Variants in MGAT4C observed in about 807,000 individuals in gnomAD.
The protein encoded by MGAT4C is MGAT4 family member C.
MGAT4C carries 19 observed loss-of-function variants against 40.1 expected under a neutral mutation model. That is an observed-to-expected ratio of 0.47 (90% CI 0.33 to 0.70). The LOEUF (loss-of-function observed/expected upper bound fraction) is 0.70, where lower values mean the gene tolerates loss of function less well. Ranked by LOEUF, MGAT4C falls within the 30% of genes least tolerant of loss-of-function variation. The pLI is 0.02. For synonymous variants in MGAT4C, 181 were observed against 187.1 expected, an observed-to-expected ratio of 0.97 and a Z score of 0.27; for missense variants, 491 against 563.2, an observed-to-expected ratio of 0.87 and a Z score of 1.30.
intron 2 of MGAT4C, among the ~76,000 whole-genome samples, chr12:86,478,294 C>T (rs1957876209): frequency 6.6e-6 from 1 of 152,122 alleles, no homozygotes; most frequent in Admixed American, 6.6e-5. Context: ...TAAAAGATGT[C>T]ATGTGAAGAC....
chr12:86,340,507 A>G (rs1269114910), intron 3 of MGAT4C, among the ~76,000 whole-genome samples: 2 of 152,160 alleles, frequency 1.3e-5, no homozygotes, highest in African/African-American at 4.8e-5. Context: ...GAAGGAAACC[A>G]TAAAGATTCT....
At chr12:86,054,634 A>G (rs1031877071) in intron 1 of MGAT4C, among the ~76,000 whole-genome samples, 2 of 152,010 alleles carry the variant, frequency 1.3e-5, no homozygotes, top group African/African-American at 4.8e-5. Context: ...TCCACAATGT[A>G]TATATATTTT....
intron 4 of MGAT4C, among the ~76,000 whole-genome samples, chr12:86,282,801 G>A (rs983225599): frequency 6.6e-6 from 1 of 151,914 alleles, no homozygotes; most frequent in Admixed American, 6.6e-5. Context: ...CTAGAGTAAA[G>A]TTTATTCTAG....
intron 1 of MGAT4C, among the ~76,000 whole-genome samples, chr12:86,092,084 G>T (rs1426722755): frequency 6.6e-6 from 1 of 151,972 alleles, no homozygotes; most frequent in Non-Finnish European, 1.5e-5. Context: ...TATACGACAG[G>T]ACAAAAATAC....
chr12:86,502,820 TATGTATACACGAGTTCTGCTC>T (rs1432306748), intron 2 of MGAT4C, among the ~76,000 whole-genome samples: 3 of 115,838 alleles, frequency 2.6e-5, no homozygotes, highest in African/African-American at 9.6e-5. Flanking sequence ...TGCTCATATA[TATGTATACACGAGTTCTGCTC>T]ATATATATAT....
chr12:86,161,437 G>A (rs1174034506), intron 1 of MGAT4C, among the ~76,000 whole-genome samples: 1 of 152,112 alleles, frequency 6.6e-6, no homozygotes, highest in Non-Finnish European at 1.5e-5. Flanking sequence ...ATGGTGCTGG[G>A]ATAACTGGCT....
intron 1 of MGAT4C, among the ~76,000 whole-genome samples, chr12:86,736,980 A>G (rs1364743687): frequency 1.3e-5 from 2 of 150,668 alleles, no homozygotes; most frequent in Admixed American, 6.7e-5. Flanking sequence ...CAACTGGATC[A>G]TATCCATCAA....
At chr12:86,244,396 T>C (rs1361779108) in intron 1 of MGAT4C, among the ~76,000 whole-genome samples, 1 of 152,200 alleles carries the variant, frequency 6.6e-6, no homozygotes, top group African/African-American at 2.4e-5. Context: ...AGTAGCTTTA[T>C]CTCTCACCTC....
intron 1 of MGAT4C, among the ~76,000 whole-genome samples, chr12:86,776,800 T>C (rs1470843883): frequency 6.6e-6 from 1 of 152,116 alleles, no homozygotes; most frequent in African/African-American, 2.4e-5. Flanking sequence ...TTCTCACACT[T>C]TGAATACATT....
At chr12:86,423,200 C>A (rs544019699) in intron 3 of MGAT4C, among the ~76,000 whole-genome samples, 1 of 152,070 alleles carries the variant, frequency 6.6e-6, no homozygotes, top group Non-Finnish European at 1.5e-5. Context: ...AAAAAAGTTT[C>A]TATTTGTATC....
intron 1 of MGAT4C, among the ~76,000 whole-genome samples, chr12:86,800,360 T>C (rs949575269): frequency 2.0e-5 from 3 of 151,942 alleles, no homozygotes; most frequent in Admixed American, 6.6e-5. Context: ...CATCTGGTCA[T>C]AGCCTCCAGC....
chr12:86,593,202 C>T (rs1961401752), intron 2 of MGAT4C, among the ~76,000 whole-genome samples: 1 of 151,816 alleles, frequency 6.6e-6, no homozygotes, highest in Admixed American at 6.6e-5. Flanking sequence ...AAAATAATCT[C>T]ATGTATTTCA....
At chr12:86,251,198 C>T (rs377209711) in intron 1 of MGAT4C, among the ~76,000 whole-genome samples, 15 of 149,102 alleles carry the variant, frequency 1.0e-4, no homozygotes, top group Non-Finnish European at 1.6e-4. Context: ...AATTGTATTC[C>T]GGTAGTCTGG....
At position 85,975,263 on chromosome 12, in the gene MGAT4C, T is replaced by C. The variant is rs532002497; in HGVS notation, c.*4026A>G. The C allele has an allele frequency of 1.3e-5, 2 of 150,986 alleles. No homozygotes were observed. Among genetic ancestry groups the C allele is most frequent in the Non-Finnish European group, 3.0e-5 (2 of 67,140 alleles). 9.4% of individuals were successfully genotyped at this position (150,986 alleles called of 1,614,324 possible). A position where few individuals can be genotyped will look rare whatever the true frequency, so the allele number is the denominator to read the frequency against. ...AATAACATTTTTAAAGGGCAGTAAA[T>C]TTTATAATTGTTATTGATTACAATG... On this transcript the variant is annotated 3_prime_UTR_variant, in exon 5 of 5. Transcript: ENST00000611864.
intron 1 of MGAT4C, among the ~76,000 whole-genome samples, chr12:86,767,537 A>G (rs1482034769): frequency 6.6e-6 from 1 of 152,192 alleles, no homozygotes; most frequent in East Asian, 1.9e-4. Context: ...TCATCCTGAT[A>G]CCAAAGCTGG....
At chr12:86,195,238 CTTGG>C (rs1949757927) in intron 1 of MGAT4C, among the ~76,000 whole-genome samples, 2 of 152,272 alleles carry the variant, frequency 1.3e-5, no homozygotes, top group East Asian at 3.9e-4. Flanking sequence ...TCTGCAAGTT[CTTGG>C]TTTCTCAAGG....
chr12:86,392,029 C>A (rs907878029), intron 3 of MGAT4C, among the ~76,000 whole-genome samples: 1 of 151,808 alleles, frequency 6.6e-6, no homozygotes, highest in Non-Finnish European at 1.5e-5. Flanking sequence ...TAATACCCTG[C>A]CTTATAGGAT....
intron 4 of MGAT4C, among the ~76,000 whole-genome samples, chr12:86,264,103 T>TCTGCA (rs1233763278): frequency 6.6e-6 from 1 of 152,162 alleles, no homozygotes; most frequent in Admixed American, 6.5e-5. Context: ...AAATGCATAG[T>TCTGCA]CTGCAAATAT....
chr12:85,990,323 T>A (rs1885750604), intron 2 of MGAT4C, among the ~76,000 whole-genome samples: 2 of 152,152 alleles, frequency 1.3e-5, no homozygotes, highest in African/African-American at 2.4e-5. Flanking sequence ...CAACCAAAGA[T>A]TCCTTTACAT....
Sources: gnomAD v4.1 joint callset for allele counts (sites outside exome capture counted in the v4.1 genomes callset) on GRCh38, gnomAD v4.1.1 for gene constraint, MANE v1.5 for transcripts, NCBI Gene and HGNC (gene_info 2026-07-23, HGNC 2026-07-21) for gene names.